C2orf78: variants seen among roughly 807,000 people sequenced by gnomAD.
The protein encoded by C2orf78 is chromosome 2 open reading frame 78.
C2orf78 carries 12 observed loss-of-function variants against 21.4 expected under a neutral mutation model. The ratio of observed to expected loss-of-function variants is 0.56; its 90% CI spans 0.36 to 0.91. The LOEUF (loss-of-function observed/expected upper bound fraction) is 0.91, where lower values mean the gene tolerates loss of function less well. C2orf78 is among the 40% of genes least tolerant of loss of function. The probability of loss-of-function intolerance (pLI) is 0.01; values close to 1 mark genes in which losing one functional copy is unlikely to be tolerated. For synonymous variants in C2orf78, 396 were observed against 413.9 expected (o/e 0.96, Z 0.52); for missense variants, 1,042 against 1,092.4 (o/e 0.95, Z 0.65).
At chr2:73,784,687 G>T in intron 1 of C2orf78, among the ~76,000 whole-genome samples, 1 of 151,224 alleles carries the variant, frequency 6.6e-6, no homozygotes, top group Non-Finnish European at 1.5e-5. Context: ...GTCTTAAAGG[G>T]TATACGTATA....
At chr2:73,815,262 A>G in exon 3 of C2orf78, 1 of 1,613,976 alleles carries the variant, frequency 6.2e-7, no homozygotes, top group Non-Finnish European at 8.5e-7. Context: ...TAATCTCTTG[A>G]CACTGTCTCC....
exon 3 of C2orf78, chr2:73,816,901 C>T (rs1490373726): frequency 5.0e-6 from 8 of 1,613,462 alleles, no homozygotes; most frequent in Non-Finnish European, 8.5e-7. Flanking sequence ...CGTGAGAATG[C>T]TGCCAAATAC....
At chr2:73,786,431 G>A (rs1330410183) in intron 1 of C2orf78, among the ~76,000 whole-genome samples, 4 of 130,706 alleles carry the variant, frequency 3.1e-5, no homozygotes, top group Admixed American at 2.4e-4. Context: ...ATCTCTAAAA[G>A]CTTACCACCA....
At chr2:73,815,565 G>A (rs775605263) in exon 3 of C2orf78, 2 of 1,613,954 alleles carry the variant, frequency 1.2e-6, no homozygotes, top group Non-Finnish European at 1.7e-6. Context: ...CACTACATGG[G>A]TGGAGGATAC....
chr2:73,815,022 G>C (rs139088213), intron 2 of C2orf78, 49 bp from the exon 3 acceptor site: 14 of 1,544,030 alleles, frequency 9.1e-6, no homozygotes, highest in Non-Finnish European at 1.2e-5. Flanking sequence ...GTGTGTAGGG[G>C]GAGCATCTCA....
chr2:73,813,783 C>T (rs751050922), exon 2 of C2orf78: 6 of 1,614,074 alleles, frequency 3.7e-6, no homozygotes, highest in Non-Finnish European at 5.1e-6. Context: ...ACAGCAAGCA[C>T]AGTAAAGAAG....
Position 73,816,874 on chromosome 2 carries a change from GA to G in C2orf78, c.2654del (p.Lys885ArgfsTer41). The stretch of plus-strand genomic sequence containing the variant: ...AGGCCAGAGCGTGAGGCCATGAAGA[GA>G]AAGGCTCAACAAGAGCGTGAGAATG... On this transcript the variant is annotated frameshift_variant, in exon 3 of 3. Coordinates refer to ENST00000409561, the Ensembl canonical transcript of C2orf78. LOFTEE classifies it low-confidence loss of function (END_TRUNC). The G allele has an allele frequency of 1.2e-6, 2 of 1,613,980 alleles. No individual in the cohort carries two copies. The highest frequency in any genetic ancestry group is 1.7e-6 in the Non-Finnish European group (2 of 1,179,876).
exon 3 of C2orf78, chr2:73,816,313 G>T: frequency 6.2e-7 from 1 of 1,613,856 alleles, no homozygotes; most frequent in Non-Finnish European, 8.5e-7. Flanking sequence ...CTAGATGGTA[G>T]TGCTGAAAAA....
chr2:73,810,509 A>C (rs1488668777), intron 1 of C2orf78, among the ~76,000 whole-genome samples: 1 of 147,248 alleles, frequency 6.8e-6, no homozygotes, highest in Non-Finnish European at 1.5e-5. Context: ...CATGGGCAAC[A>C]AGAGCGAAAC....
At position 73,816,496 on chromosome 2, in the gene C2orf78, ACT is replaced by A; in HGVS notation, c.2275_2276del (p.Ala760SerfsTer51). On this transcript the variant is annotated frameshift_variant, in exon 3 of 3. Coordinates refer to ENST00000409561, the Ensembl canonical transcript of C2orf78. LOFTEE classifies it low-confidence loss of function (END_TRUNC). ...TACCCTGCTCGACCTGATTCTACTA[ACT>A]CAGCTCAATCGAATGCAGTCAATCC... 1 of 1,613,506 alleles carries A rather than the reference ACT, an allele frequency of 6.2e-7. No individual in the cohort carries two copies. The highest frequency in any genetic ancestry group is 8.5e-7 in the Non-Finnish European group (1 of 1,179,742).
chr2:73,810,817 TTA>T lies in C2orf78; in HGVS notation c.98-2659_98-2658del, dbSNP rs1558541175. The stretch of plus-strand genomic sequence containing the variant: ...TTATATATATAATATACATGTATAA[TTA>T]ATATACATGTATGTTATATATATTA... On this transcript the variant is annotated intron_variant, in intron 1 of 2. Coordinates refer to ENST00000409561, the Ensembl canonical transcript of C2orf78. Among the ~76,000 whole-genome samples the T allele has an allele frequency of 4.4e-4, 57 of 129,452 alleles. No homozygotes were observed. The South Asian group carries it at 0.012, about 28-fold the overall frequency. 84.9% of individuals were successfully genotyped at this position (129,452 alleles called of 152,430 possible).
At chr2:73,813,907 T>C (rs929427148) in exon 2 of C2orf78, 1 of 1,613,922 alleles carries the variant, frequency 6.2e-7, no homozygotes, top group African/African-American at 1.3e-5. Flanking sequence ...CTATGGTCCC[T>C]CTGTATCCAT....
exon 2 of C2orf78, chr2:73,813,816 C>T: frequency 1.2e-6 from 2 of 1,614,038 alleles, no homozygotes; most frequent in Non-Finnish European, 1.7e-6. Context: ...AGGGACTTCA[C>T]TGTGACTGTC....
intron 1 of C2orf78, among the ~76,000 whole-genome samples, chr2:73,808,246 T>G (rs551975662): frequency 1.4e-4 from 21 of 151,068 alleles, no homozygotes; most frequent in Admixed American, 7.2e-4. Flanking sequence ...AGAGCCAGAC[T>G]CCATCTCACA....
chr2:73,811,214 C>T (rs1463735411), intron 1 of C2orf78, among the ~76,000 whole-genome samples: 1 of 151,712 alleles, frequency 6.6e-6, no homozygotes, highest in Non-Finnish European at 1.5e-5. Flanking sequence ...TCTCTGGAAC[C>T]TGGGAGGCAG....
At chr2:73,813,613 A>G (rs570163871) in exon 2 of C2orf78, 2 of 1,614,038 alleles carry the variant, frequency 1.2e-6, no homozygotes, top group South Asian at 1.1e-5. Context: ...TCAGCTCAGC[A>G]TGGCTACAGC....
At position 73,785,936 on chromosome 2, in the gene C2orf78, C is replaced by T. The variant is rs190787653; in HGVS notation, c.97+1530C>T. 1.7e-4 allele frequency among the ~76,000 whole-genome samples: 26 copies of T among 151,696 alleles called. 1 individual carries two copies. The South Asian group carries it at 2.1e-3, about 12-fold the overall frequency. On this transcript the variant is annotated intron_variant, in intron 1 of 2. Coordinates refer to ENST00000409561, the Ensembl canonical transcript of C2orf78. Reference sequence around the variant, plus strand: ...TGGCACATGCGTGTAATCCCAGCTACTTGGGAGGCTGAGGCAGGACAATCA... The same window carrying T: ...TGGCACATGCGTGTAATCCCAGCTATTTGGGAGGCTGAGGCAGGACAATCA...
intron 1 of C2orf78, 34 bp from the exon 2 acceptor site, chr2:73,813,443 A>G (rs539288243): frequency 6.6e-7 from 1 of 1,524,652 alleles, no homozygotes; most frequent in East Asian, 2.3e-5. Flanking sequence ...TTTCACTCTC[A>G]TCGGTTTTTT....
Position 73,808,152 on chromosome 2 carries a change from T to G in C2orf78, c.98-5325T>G, listed in dbSNP as rs1328455708. On this transcript the variant is annotated intron_variant, in intron 1 of 2. Transcript: ENST00000409561. Reference sequence around the variant, plus strand: ...GCCTGTAGTCCCAGCTACTAAGGAGTCTGAGGCAGGAGAATGGCGTGAACC... The same window carrying G: ...GCCTGTAGTCCCAGCTACTAAGGAGGCTGAGGCAGGAGAATGGCGTGAACC... Among the ~76,000 whole-genome samples, 62 of 150,484 alleles carry G rather than the reference T, an allele frequency of 4.1e-4. 4 individuals carry two copies. Among genetic ancestry groups the G allele is most frequent in the East Asian group, 9.7e-4 (5 of 5,156 alleles).
Sources: allele counts gnomAD v4.1 joint callset (sites outside exome capture counted in the v4.1 genomes callset), GRCh38; gene constraint gnomAD v4.1.1; transcripts MANE v1.5; gene names NCBI Gene and HGNC (gene_info 2026-07-23, HGNC 2026-07-21).